CSMD2: variants seen among roughly 807,000 people sequenced by gnomAD.
The protein encoded by CSMD2 is CUB and sushi domain-containing protein 2.
A neutral mutation model predicts 398.5 loss-of-function variants in CSMD2; 130 were observed. The observed-to-expected ratio is 0.33, with a 90% confidence interval of 0.28 to 0.38. The LOEUF (loss-of-function observed/expected upper bound fraction) is 0.38, where lower values mean the gene tolerates loss of function less well. Among genes scored for constraint, CSMD2 ranks in the 10% least tolerant of loss-of-function variants. The pLI is 1.00. For missense variants in CSMD2, 3,829 were observed against 4,764.9 expected, an observed-to-expected ratio of 0.80 and a Z score of 5.78; for synonymous variants, 1,828 against 1,908.5, an observed-to-expected ratio of 0.96 and a Z score of 1.10.
At chr1:34,103,922 T>C (rs927362383) in intron 1 of CSMD2, among the ~76,000 whole-genome samples, 5 of 152,258 alleles carry the variant, frequency 3.3e-5, no homozygotes, top group Non-Finnish European at 7.3e-5. Context: ...ATTTCAGATT[T>C]GCCACTTAAT....
At chr1:34,074,867 A>G (rs571616554) in intron 2 of CSMD2, among the ~76,000 whole-genome samples, 1 of 152,304 alleles carries the variant, frequency 6.6e-6, no homozygotes, top group African/African-American at 2.4e-5. Context: ...TTACTTGAGG[A>G]ATGAGTAAGG....
At chr1:33,569,776 C>T (rs1166601833) in intron 51 of CSMD2, among the ~76,000 whole-genome samples, 1 of 152,208 alleles carries the variant, frequency 6.6e-6, no homozygotes, top group Non-Finnish European at 1.5e-5. Flanking sequence ...CTGCAGGTGC[C>T]TGACTCACCA....
chr1:33,921,586 G>T (rs1000323324), intron 4 of CSMD2, among the ~76,000 whole-genome samples: 1 of 152,194 alleles, frequency 6.6e-6, no homozygotes, highest in Non-Finnish European at 1.5e-5. Context: ...GGGACATTTA[G>T]CCCGAACCTT....
intron 21 of CSMD2, among the ~76,000 whole-genome samples, chr1:33,714,327 T>G (rs984499818): frequency 1.2e-4 from 18 of 152,228 alleles, no homozygotes; most frequent in Admixed American, 5.9e-4. Context: ...GAGTGCCCAC[T>G]GTGGACCTAA....
At chr1:34,082,160 C>CA (rs1657256532) in intron 2 of CSMD2, among the ~76,000 whole-genome samples, 1 of 150,156 alleles carries the variant, frequency 6.7e-6, no homozygotes, top group African/African-American at 2.5e-5. Flanking sequence ...CACCTCTGCC[C>CA]GGCCGCCCCG....
rs1373109904 is a variant in CSMD2, at chr1:33,966,740, ATGAAATCATTTCAG to A, written c.518-30800_518-30787del. 3.3e-5 allele frequency among the ~76,000 whole-genome samples: 5 copies of A among 152,316 alleles called. No individual in the cohort carries two copies. The East Asian group carries it at 9.6e-4, about 29-fold the overall frequency. On this transcript the variant is annotated intron_variant, in intron 3 of 70. Coordinates refer to ENST00000373381, the MANE Select transcript of CSMD2 (RefSeq NM_001281956.2). ...TTTGAAAACAAGAAAAAGATGATTT[ATGAAATCATTTCAG>A]CAAGTGCTTCAGCCAGGGCAAAAAT...
At chr1:33,872,098 T>C (rs1394757546) in intron 5 of CSMD2, among the ~76,000 whole-genome samples, 1 of 152,196 alleles carries the variant, frequency 6.6e-6, no homozygotes, top group Non-Finnish European at 1.5e-5. Context: ...AACCATATCA[T>C]GGAGGAGGGA....
At chr1:33,952,833 ACT>A (rs1302760297) in intron 3 of CSMD2, among the ~76,000 whole-genome samples, 3 of 152,106 alleles carry the variant, frequency 2.0e-5, no homozygotes, top group Non-Finnish European at 4.4e-5. Context: ...TGAATCAACG[ACT>A]CTATGAATGA....
At position 34,072,289 on chromosome 1, in the gene CSMD2, C is replaced by T. The variant is rs116437995; in HGVS notation, c.404+16688G>A. 7.8e-3 allele frequency among the ~76,000 whole-genome samples: 1,193 copies of T among 152,226 alleles called. 10 individuals are homozygous for T. Among genetic ancestry groups the T allele is most frequent in the Non-Finnish European group, 0.013 (893 of 68,016 alleles). On this transcript the variant is annotated intron_variant, in intron 2 of 70. Coordinates refer to ENST00000373381, the MANE Select transcript of CSMD2 (RefSeq NM_001281956.2). ...ACTTGGGAAGTGTTTATTTGGGTACCGTGTCTGCTGAAAAAGAAACAGAGG... is the reference window on the plus strand; with the variant it reads ...ACTTGGGAAGTGTTTATTTGGGTACTGTGTCTGCTGAAAAAGAAACAGAGG...
intron 11 of CSMD2, 87 bp from the exon 12 acceptor site, chr1:33,788,799 A>C (rs990148661): frequency 6.7e-6 from 6 of 896,722 alleles, no homozygotes; most frequent in Non-Finnish European, 7.2e-6. Context: ...TTAAAGGACT[A>C]TCCAGGATCC....
chr1:33,713,492 T>C (rs1217985821), intron 21 of CSMD2, among the ~76,000 whole-genome samples: 1 of 152,176 alleles, frequency 6.6e-6, no homozygotes, highest in Non-Finnish European at 1.5e-5. Context: ...CCCTACATTA[T>C]AAGGATTGAG....
intron 47 of CSMD2, among the ~76,000 whole-genome samples, chr1:33,583,150 A>C (rs1638846381): frequency 6.6e-6 from 1 of 152,228 alleles, no homozygotes; most frequent in African/African-American, 2.4e-5. Flanking sequence ...ATGACTTTTC[A>C]AGATGCATGT....
At chr1:33,776,523 A>T (rs1651991332) in intron 12 of CSMD2, among the ~76,000 whole-genome samples, 1 of 152,114 alleles carries the variant, frequency 6.6e-6, no homozygotes, top group Non-Finnish European at 1.5e-5. Context: ...GAGAAGAGGA[A>T]ATCATGCCTA....
chr1:33,624,661 C>T lies in CSMD2; in HGVS notation c.5501-18G>A, dbSNP rs759551667. ...ACACGGCACTGGGAGGAGAGGCCAT[C>T]GGGTCAGAGGCTTTGTGGCCTCCCG... On this transcript the variant is annotated intron_variant, in intron 34 of 70. Transcript: ENST00000373381. The surrounding 1 kb of genome is among the most constrained non-coding windows in gnomAD (Gnocchi z 4.7). The T allele has an allele frequency of 7.5e-6, 12 of 1,607,978 alleles. No individual in the cohort carries two copies. The highest frequency in any genetic ancestry group is 1.7e-5 in the Admixed American group (1 of 59,850).
At chr1:33,607,134 T>C (rs1473477163) in intron 41 of CSMD2, among the ~76,000 whole-genome samples, 1 of 152,208 alleles carries the variant, frequency 6.6e-6, no homozygotes, top group Non-Finnish European at 1.5e-5. Context: ...CAATTGTACA[T>C]CTTAGCCATT....
intron 2 of CSMD2, among the ~76,000 whole-genome samples, chr1:34,047,691 C>T (rs1350447191): frequency 6.6e-6 from 1 of 152,160 alleles, no homozygotes; most frequent in South Asian, 2.1e-4. Flanking sequence ...GATAAGGATG[C>T]ATCCAGGGAA....
rs1216795673 is a variant in CSMD2, at chr1:33,663,032, C to A, written c.4113G>T (p.Gly1371=). The A allele has an allele frequency of 6.2e-7, 1 of 1,614,210 alleles. No individual in the cohort carries two copies. The highest frequency in any genetic ancestry group is 8.5e-7 in the Non-Finnish European group (1 of 1,180,012). The change falls in exon 26 of 71, where the codon GGG becomes GGT. Residue 1371 remains glycine, a synonymous_variant. Transcript: ENST00000373381. ...EVHDVLRIWD[G]PVESGVLLKE... ...TCAGCAGAACCCCGCTCTCCACAGGCCCATCCCAGATGCGCAGCACGTCGT... is the reference window on the plus strand; with the variant it reads ...TCAGCAGAACCCCGCTCTCCACAGGACCATCCCAGATGCGCAGCACGTCGT...
At chr1:33,679,739 C>A (rs556836213) in intron 25 of CSMD2, among the ~76,000 whole-genome samples, 2 of 152,022 alleles carry the variant, frequency 1.3e-5, no homozygotes, top group Non-Finnish European at 2.9e-5. Flanking sequence ...GAGAGATGTG[C>A]TAAAGTCTCC....
intron 25 of CSMD2, among the ~76,000 whole-genome samples, chr1:33,664,671 C>T (rs1042083558): frequency 2.4e-4 from 36 of 152,008 alleles, no homozygotes; most frequent in Admixed American, 6.5e-4. Context: ...GGCGAGGTGG[C>T]GGGCGCCTGT....
Sources: gnomAD v4.1 joint callset for allele counts (sites outside exome capture counted in the v4.1 genomes callset) on GRCh38, gnomAD v4.1.1 for gene constraint, Gnocchi (gnomAD v3.1) non-coding constraint, MANE v1.5 for transcripts, NCBI Gene and HGNC (gene_info 2026-07-23, HGNC 2026-07-21) for gene names.